EPC2: variants seen among roughly 807,000 people sequenced by gnomAD.
The protein encoded by EPC2 is enhancer of polycomb 2.
A neutral mutation model predicts 92.1 loss-of-function variants in EPC2; 14 were observed. The ratio of observed to expected loss-of-function variants is 0.15; its 90% CI spans 0.10 to 0.24. EPC2 has a LOEUF of 0.24. EPC2 is among the 10% of genes least tolerant of loss of function. EPC2 has a pLI of 1.00. For synonymous variants in EPC2, 340 were observed against 334.7 expected, an observed-to-expected ratio of 1.02 and a Z score of -0.17; for missense variants, 755 against 971.5, an observed-to-expected ratio of 0.78 and a Z score of 2.96.
intron 1 of EPC2, among the ~76,000 whole-genome samples, chr2:148,672,749 A>G (rs1681180818): frequency 6.6e-6 from 1 of 152,168 alleles, no homozygotes; most frequent in Non-Finnish European, 1.5e-5. Flanking sequence ...TTACAGTAGT[A>G]TAGGTTCTCT....
chr2:148,787,036 A>G lies in EPC2; in HGVS notation c.*659A>G, dbSNP rs144317729. The G allele has an allele frequency of 5.2e-4, 79 of 152,744 alleles. No individual in the cohort carries two copies. The highest frequency in any genetic ancestry group is 9.7e-4 in the Non-Finnish European group (66 of 68,040). 9.5% of individuals were successfully genotyped at this position (152,744 alleles called of 1,614,324 possible). On this transcript the variant is annotated 3_prime_UTR_variant, in exon 14 of 14. Transcript: ENST00000258484. The stretch of plus-strand genomic sequence containing the variant: ...TCACTTTTCCATATATTTTGAATGT[A>G]TATTTCTATTTATGATACCAATTTA...
chr2:148,747,070 A>T (rs541122009), intron 3 of EPC2, among the ~76,000 whole-genome samples: 1 of 152,248 alleles, frequency 6.6e-6, no homozygotes, highest in South Asian at 2.1e-4. Flanking sequence ...ATGTGTTTTT[A>T]ATTTTTCTTT....
At chr2:148,774,706 G>C (rs1033384533) in intron 10 of EPC2, among the ~76,000 whole-genome samples, 1 of 150,806 alleles carries the variant, frequency 6.6e-6, no homozygotes, top group African/African-American at 2.4e-5. Flanking sequence ...CTAGATGTTA[G>C]AACTAAAACT....
intron 12 of EPC2, among the ~76,000 whole-genome samples, chr2:148,784,318 C>T (rs1683817326): frequency 6.6e-6 from 1 of 152,150 alleles, no homozygotes; most frequent in African/African-American, 2.4e-5. Flanking sequence ...TACCCATGAA[C>T]CTGATTGTCC....
chr2:148,779,233 T>C (rs779622506), intron 10 of EPC2, among the ~76,000 whole-genome samples: 3 of 152,206 alleles, frequency 2.0e-5, no homozygotes, highest in Non-Finnish European at 4.4e-5. Flanking sequence ...TAGTTGGCAA[T>C]ATTTTGTTAT....
Position 148,754,130 on chromosome 2 carries a change from A to G in EPC2, c.663A>G (p.Arg221=). The G allele has an allele frequency of 6.3e-7, 1 of 1,593,502 alleles. No individual in the cohort carries two copies. The highest frequency in any genetic ancestry group is 1.1e-5 in the South Asian group (1 of 87,580). ...GAAGAACAGAGAAAATGCAAACTCG[A>G]AAGGTAATGTGCAAATTAGGTTTCA... ...FRRRTEKMQT[R]KNRKNDEASY... Residue 221 remains arginine (R), a synonymous_variant, in exon 4 of 14, where the codon CGA becomes CGG. Transcript: ENST00000258484.
intron 11 of EPC2, among the ~76,000 whole-genome samples, chr2:148,782,418 G>A (rs1683770703): frequency 6.6e-6 from 1 of 151,946 alleles, no homozygotes; most frequent in Admixed American, 6.6e-5. Flanking sequence ...ATACCTGTAA[G>A]CCCAGCTACT....
intron 4 of EPC2, among the ~76,000 whole-genome samples, chr2:148,757,339 G>A (rs1266090976): frequency 6.6e-6 from 1 of 152,180 alleles, no homozygotes; most frequent in East Asian, 1.9e-4. Flanking sequence ...TCGCGCCACT[G>A]CACTCCAGCC....
At chr2:148,664,286 T>C (rs571712088) in intron 1 of EPC2, among the ~76,000 whole-genome samples, 8 of 152,142 alleles carry the variant, frequency 5.3e-5, no homozygotes, top group African/African-American at 1.9e-4. Context: ...ATTGCTCGAG[T>C]CCAGGAGTTT....
chr2:148,741,268 G>T (rs1016968310), intron 2 of EPC2, among the ~76,000 whole-genome samples: 2 of 152,226 alleles, frequency 1.3e-5, no homozygotes, highest in Non-Finnish European at 2.9e-5. Context: ...GGATGGTTGT[G>T]ACAGTTAATT....
At chr2:148,737,208 T>A (rs1228420348) in intron 2 of EPC2, among the ~76,000 whole-genome samples, 1 of 152,248 alleles carries the variant, frequency 6.6e-6, no homozygotes, top group East Asian at 1.9e-4. Flanking sequence ...TACAGTATCT[T>A]AAAGGCACTT....
In EPC2 at chr2:148,770,929, A is replaced by AGGT; in HGVS notation, c.1371_1373dup (p.Gly458dup). On this transcript the variant is annotated inframe_insertion, in exon 9 of 14. Transcript: ENST00000258484. ...GATTTGCAAGGAGGCGAATTGGCAG[A>AGGT]GGTGGAAGGTGAAGTATTTGTTTTC... is the stretch of plus-strand genomic sequence containing the variant. The AGGT allele has an allele frequency of 6.2e-7, 1 of 1,609,506 alleles. No homozygotes were observed. The highest frequency in any genetic ancestry group is 8.5e-7 in the Non-Finnish European group (1 of 1,178,820).
At position 148,783,608 on chromosome 2, in the gene EPC2, C is replaced by A; in HGVS notation, c.1869C>A (p.Thr623=). The A allele has an allele frequency of 6.2e-7, 1 of 1,606,590 alleles. No homozygotes were observed. Among genetic ancestry groups the A allele is most frequent in the Non-Finnish European group, 8.5e-7 (1 of 1,176,206 alleles). The change falls in exon 12 of 14, where the codon ACC becomes ACA. Residue 623 remains threonine (T), a synonymous_variant. Coordinates refer to ENST00000258484, the MANE Select transcript of EPC2 (RefSeq NM_015630.4). ...QTHPKAQGSS[T]SDCMSKTLDS... The stretch of plus-strand genomic sequence containing the variant: ...TGTTCATTTTATAGGGCTCAAGCAC[C>A]TCTGACTGTATGTCTAAAACACTTG...
intron 1 of EPC2, among the ~76,000 whole-genome samples, chr2:148,675,203 AT>A (rs199704827): frequency 5.3e-5 from 8 of 150,894 alleles, no homozygotes; most frequent in African/African-American, 1.5e-4. Flanking sequence ...TATTTCTGAG[AT>A]TTTTTTTTCC....
At chr2:148,648,904 T>C (rs1384336475) in intron 1 of EPC2, among the ~76,000 whole-genome samples, 1 of 152,224 alleles carries the variant, frequency 6.6e-6, no homozygotes, top group East Asian at 1.9e-4. Context: ...TTCCCTATCC[T>C]TATTATCATT....
intron 2 of EPC2, among the ~76,000 whole-genome samples, chr2:148,732,384 T>G (rs971748933): frequency 6.7e-6 from 1 of 149,428 alleles, no homozygotes; most frequent in Non-Finnish European, 1.5e-5. Context: ...TTTTTGTCTT[T>G]TTTTTTTTTT....
chr2:148,773,339 T>G (rs1479418437), intron 10 of EPC2, among the ~76,000 whole-genome samples: 1 of 152,112 alleles, frequency 6.6e-6, no homozygotes, highest in Admixed American at 6.5e-5. Flanking sequence ...GACAACAAGT[T>G]TTTTTGTATT....
chr2:148,726,744 T>G (rs1682502943), intron 2 of EPC2, among the ~76,000 whole-genome samples: 1 of 147,978 alleles, frequency 6.8e-6, no homozygotes, highest in Non-Finnish European at 1.5e-5. Flanking sequence ...GCTTTTGGGT[T>G]TTTTTTTTGT....
chr2:148,755,706 C>T (rs1000668308), intron 4 of EPC2, among the ~76,000 whole-genome samples: 1 of 152,214 alleles, frequency 6.6e-6, no homozygotes, highest in East Asian at 1.9e-4. Context: ...TACACTGTGA[C>T]ATTTGTGCAA....
Sources: gnomAD v4.1 joint callset for allele counts (sites outside exome capture counted in the v4.1 genomes callset) on GRCh38, gnomAD v4.1.1 for gene constraint, MANE v1.5 for transcripts, NCBI Gene and HGNC (gene_info 2026-07-23, HGNC 2026-07-21) for gene names.